XKR9: variants seen among roughly 807,000 people sequenced by gnomAD.
The protein encoded by XKR9 is XK related 9.
A neutral mutation model predicts 32.0 loss-of-function variants in XKR9; 32 were observed. That is an observed-to-expected ratio of 1.00 (90% CI 0.76 to 1.34). The LOEUF (loss-of-function observed/expected upper bound fraction) is 1.34. Ranked by LOEUF, XKR9 falls within the 40% of genes most tolerant of loss-of-function variation. The pLI is 0.00. For missense variants in XKR9, 546 were observed against 429.7 expected (o/e 1.27, Z -2.39); for synonymous variants, 168 against 143.4 (o/e 1.17, Z -1.22).
In XKR9 at chr8:70,703,341, G is replaced by A. The variant is rs115326366; in HGVS notation, c.273-3592G>A. Among the ~76,000 whole-genome samples, 461 of 152,118 alleles carry A rather than the reference G, an allele frequency of 3.0e-3. 4 individuals are homozygous for A. Among genetic ancestry groups the A allele is most frequent in the African/African-American group, 0.011 (441 of 41,480 alleles). ...CTTAAGTCTTTTGAGTGTTAGTCTA[G>A]TGAGGTGGCTATAAAACAAAATACA... On this transcript the variant is annotated intron_variant, in intron 3 of 4. Transcript: ENST00000408926.
At chr8:70,748,072 C>G (rs1373907294) in intron 2 of XKR9, among the ~76,000 whole-genome samples, 1 of 152,160 alleles carries the variant, frequency 6.6e-6, no homozygotes, top group Non-Finnish European at 1.5e-5. Context: ...ATTACTTCCA[C>G]ATGTACGAGA....
the XKR9 span, among the ~76,000 whole-genome samples, chr8:70,912,558 T>C: frequency 6.6e-6 from 1 of 152,128 alleles, no homozygotes; most frequent in Non-Finnish European, 1.5e-5. Flanking sequence ...AGATTTGGGG[T>C]AAAAATTGAG....
At chr8:70,675,287 T>TTGG (rs1420921188) in intron 2 of XKR9, among the ~76,000 whole-genome samples, 4 of 152,112 alleles carry the variant, frequency 2.6e-5, no homozygotes, top group African/African-American at 4.8e-5. Flanking sequence ...TTAGCTGGGT[T>TTGG]TGGTGGTGTG....
At chr8:70,816,918 AC>A in the XKR9 span, among the ~76,000 whole-genome samples, 1 of 152,154 alleles carries the variant, frequency 6.6e-6, no homozygotes, top group Non-Finnish European at 1.5e-5. Flanking sequence ...AATAAAATCC[AC>A]ATTCTTTAAT....
chr8:70,720,561 T>TG (rs1408743425), intron 4 of XKR9, among the ~76,000 whole-genome samples: 1 of 152,168 alleles, frequency 6.6e-6, no homozygotes, highest in Non-Finnish European at 1.5e-5. Context: ...GATAATCATA[T>TG]GGTTTTTGTC....
At chr8:70,896,973 T>C in the XKR9 span, among the ~76,000 whole-genome samples, 1 of 152,106 alleles carries the variant, frequency 6.6e-6, no homozygotes, top group Non-Finnish European at 1.5e-5. Context: ...CTAAATCTTA[T>C]TCATTCTAAC....
At chr8:70,958,526 C>T in the XKR9 span, among the ~76,000 whole-genome samples, 3 of 152,134 alleles carry the variant, frequency 2.0e-5, no homozygotes, top group African/African-American at 7.2e-5. Flanking sequence ...TGCTCATGTC[C>T]TTTGCCCACT....
the XKR9 span, among the ~76,000 whole-genome samples, chr8:70,801,041 G>C: frequency 8.1e-6 from 1 of 124,052 alleles, no homozygotes; most frequent in Non-Finnish European, 1.7e-5. Flanking sequence ...TGTCATTTCT[G>C]ATTTTTTAAT....
At chr8:70,783,665 C>T (rs1367399288) in intron 2 of XKR9, among the ~76,000 whole-genome samples, 1 of 152,088 alleles carries the variant, frequency 6.6e-6, no homozygotes, top group Non-Finnish European at 1.5e-5. Context: ...TATTTTCTCT[C>T]ACACTGTTAA....
chr8:70,827,548 G>C, the XKR9 span, among the ~76,000 whole-genome samples: 3 of 152,148 alleles, frequency 2.0e-5, no homozygotes, highest in Non-Finnish European at 2.9e-5. Flanking sequence ...TCTATTAAGA[G>C]ACCTTGGAAA....
At chr8:70,766,064 T>G (rs1807371472) in intron 2 of XKR9, among the ~76,000 whole-genome samples, 1 of 152,142 alleles carries the variant, frequency 6.6e-6, no homozygotes, top group South Asian at 2.1e-4. Flanking sequence ...TTCTTTTTGC[T>G]TAGGATTGTC....
chr8:70,676,236 G>A (rs183271141), intron 2 of XKR9, among the ~76,000 whole-genome samples: 4 of 152,150 alleles, frequency 2.6e-5, no homozygotes, highest in African/African-American at 7.2e-5. Flanking sequence ...ACTCACTATC[G>A]TGAGGACAGC....
chr8:71,017,005 T>A, the XKR9 span, among the ~76,000 whole-genome samples: 1 of 152,208 alleles, frequency 6.6e-6, no homozygotes, highest in Non-Finnish European at 1.5e-5. Context: ...TCTGAGATAG[T>A]TTTGCAATTA....
At chr8:70,900,973 A>G in the XKR9 span, among the ~76,000 whole-genome samples, 266 of 152,254 alleles carry the variant, frequency 1.7e-3, no homozygotes, top group Non-Finnish European at 2.8e-3. Flanking sequence ...CCATGTCCCT[A>G]CGAAGGACAT....
intron 2 of XKR9, among the ~76,000 whole-genome samples, chr8:70,760,885 G>C (rs1363724623): frequency 6.6e-6 from 1 of 151,866 alleles, no homozygotes; most frequent in Admixed American, 6.6e-5. Flanking sequence ...CTTCTGGTAG[G>C]CCCAGTGTGC....
downstream of XKR9, among the ~76,000 whole-genome samples, chr8:70,739,907 C>T (rs1806940156): frequency 6.6e-6 from 1 of 152,108 alleles, no homozygotes; most frequent in Admixed American, 6.5e-5. Flanking sequence ...AACATTTTTT[C>T]CTTCATTTCA....
chr8:70,968,154 A>G, the XKR9 span, among the ~76,000 whole-genome samples: 1 of 151,984 alleles, frequency 6.6e-6, no homozygotes, highest in Non-Finnish European at 1.5e-5. Flanking sequence ...AATTTTCTCT[A>G]TTCTTGTCTG....
chr8:70,993,353 A>C, the XKR9 span, among the ~76,000 whole-genome samples: 1 of 152,096 alleles, frequency 6.6e-6, no homozygotes, highest in African/African-American at 2.4e-5. Context: ...TCTTGTTATT[A>C]GGTTTTTCCT....
chr8:70,787,164 C>T (rs1031163163), intron 2 of XKR9, among the ~76,000 whole-genome samples: 5 of 152,096 alleles, frequency 3.3e-5, no homozygotes, highest in Admixed American at 2.6e-4. Flanking sequence ...CAATAACATC[C>T]TGTATCTCCA....
Sources: gnomAD v4.1 joint callset for allele counts (sites outside exome capture counted in the v4.1 genomes callset) on GRCh38, gnomAD v4.1.1 for gene constraint, MANE v1.5 for transcripts, NCBI Gene and HGNC (gene_info 2026-07-23, HGNC 2026-07-21) for gene names.